C1orf116: variants seen among roughly 807,000 people sequenced by gnomAD.
The protein encoded by C1orf116 is chromosome 1 open reading frame 116, also known as specifically androgen-regulated gene protein.
A neutral mutation model predicts 14.1 loss-of-function variants in C1orf116; 12 were observed. That is an observed-to-expected ratio of 0.85 (90% CI 0.54 to 1.38). The LOEUF (loss-of-function observed/expected upper bound fraction) is 1.38, where lower values mean the gene tolerates loss of function less well. C1orf116 is among the 40% of genes most tolerant of loss of function. The pLI, the probability that C1orf116 is intolerant of heterozygous loss-of-function variation, is 0.00. For synonymous variants in C1orf116, 296 were observed against 299.0 expected (o/e 0.99, Z 0.10); for missense variants, 797 against 747.0 (o/e 1.07, Z -0.78).
At position 207,022,387 on chromosome 1, in the gene C1orf116, C is replaced by A; in HGVS notation, c.1377G>T (p.Lys459Asn). ...CCTGGAGAGTCAGCCCTGACTCTGG[C>A]TTCGGTGGAGTCAGGGCACTGTTTG... ...PRANSALTPP[K>N]PESGLTLQES... The change falls in exon 4 of 4, where the codon AAG (lysine) becomes AAT (asparagine). Residue 459 changes from lysine to asparagine, a missense_variant. Physicochemically the swap from Lys to Asn is moderately conservative, Grantham distance 94. Coordinates refer to ENST00000359470, the MANE Select transcript of C1orf116 (RefSeq NM_023938.6). The A allele has an allele frequency of 2.5e-6, 4 of 1,614,148 alleles. No homozygotes were observed. The highest frequency in any genetic ancestry group is 3.4e-6 in the Non-Finnish European group (4 of 1,180,012).
rs1470582454 is a variant in C1orf116, at chr1:207,022,330, G to A, written c.1434C>T (p.Asn478=). The A allele has an allele frequency of 1.2e-6, 2 of 1,613,724 alleles. No individual in the cohort carries two copies. Among genetic ancestry groups the A allele is most frequent in the Admixed American group, 3.3e-5 (2 of 59,968 alleles). The part of the protein sequence containing the change: ...ESNTPGLRQM[N]FKSNTLERSG... ...AGCGCTCCAGAGTGTTGGACTTGAA[G>A]TTCATCTGTCTCAGGCCAGGGGTGT... Residue 478 remains asparagine (N), a synonymous_variant, in exon 4 of 4, where the codon AAC becomes AAT. Coordinates refer to ENST00000359470, the MANE Select transcript of C1orf116 (RefSeq NM_023938.6).
At chr1:207,030,761 A>G (rs2102306636) in intron 1 of C1orf116, among the ~76,000 whole-genome samples, 1 of 152,360 alleles carries the variant, frequency 6.6e-6, no homozygotes, top group South Asian at 2.1e-4. Context: ...ACTCAAGGTG[A>G]GAGTTTGGTA....
In C1orf116 at chr1:207,022,128, T is replaced by C. The variant is rs767968663; in HGVS notation, c.1636A>G (p.Lys546Glu). The C allele has an allele frequency of 6.2e-7, 1 of 1,612,800 alleles. No homozygotes were observed. Among genetic ancestry groups the C allele is most frequent in the Admixed American group, 1.7e-5 (1 of 59,988 alleles). The change falls in exon 4 of 4, where the codon AAG becomes GAG. Residue 546 changes from lysine to glutamate, a missense_variant. Coordinates refer to ENST00000359470, the MANE Select transcript of C1orf116 (RefSeq NM_023938.6). ...GKDFAGIQVG[K>E]LADLEQEQSS... ...TGCTCCTGCTCCAGGTCAGCCAGCT[T>C]GCCTACCTGGATACCTGCAAAATCT...
rs761158289 is a variant in C1orf116, at chr1:207,023,234, C to T, written c.530G>A (p.Ser177Asn). ...EPEKEQVSQS[S>N]QPRQAPASPQ... The stretch of plus-strand genomic sequence containing the variant: ...GCTGGCAGGTGCCTGCCTGGGTTGG[C>T]TGCTCTGGCTGACCTGTTCTTTCTC... The change falls in exon 4 of 4, where the codon AGC becomes AAC. Residue 177 changes from serine to asparagine, a missense_variant. Coordinates refer to ENST00000359470, the MANE Select transcript of C1orf116 (RefSeq NM_023938.6). 4 of 1,611,186 alleles carry T rather than the reference C, an allele frequency of 2.5e-6. No homozygotes were observed. Among genetic ancestry groups the T allele is most frequent in the Non-Finnish European group, 1.7e-6 (2 of 1,178,450 alleles).
chr1:207,025,880 G>A (rs554911967), intron 2 of C1orf116, among the ~76,000 whole-genome samples: 1 of 152,324 alleles, frequency 6.6e-6, no homozygotes, highest in Non-Finnish European at 1.5e-5. Context: ...AGATCTTAAA[G>A]TAGATCATAT....
chr1:207,025,173 G>A, intron 2 of C1orf116, 109 bp from the exon 3 acceptor site: 1 of 843,424 alleles, frequency 1.2e-6, no homozygotes, highest in Non-Finnish European at 1.9e-6. Flanking sequence ...CGCAGAAACT[G>A]GCGGGGCCTG....
At position 207,022,753 on chromosome 1, in the gene C1orf116, GGA is replaced by G. The variant is rs774648306; in HGVS notation, c.1009_1010del (p.Ser337LeufsTer11). ...EAAPGDSGLI[S>X]CSLQEQRKAR... ...CTTTTCTCTGCTCTTGCAGTGAACAGGAGATCAGGCCAGAATCTCCAGGGGCA... is the reference window on the plus strand; with the variant it reads ...CTTTTCTCTGCTCTTGCAGTGAACAGGATCAGGCCAGAATCTCCAGGGGCA... On this transcript the variant is annotated frameshift_variant, in exon 4 of 4. Transcript: ENST00000359470. LOFTEE classifies it low-confidence loss of function (END_TRUNC). 6.2e-7 allele frequency: 1 copy of G among 1,614,198 alleles called. No homozygotes were observed. The highest frequency in any genetic ancestry group is 8.5e-7 in the Non-Finnish European group (1 of 1,180,028).
At position 207,022,153 on chromosome 1, in the gene C1orf116, T is replaced by C. The variant is rs529387829; in HGVS notation, c.1611A>G (p.Lys537=). The C allele has an allele frequency of 2.1e-4, 345 of 1,613,380 alleles. 6 individuals are homozygous for C. In the South Asian group the frequency reaches 2.4e-3, roughly 11 times the overall value. ...TGCCTACCTGGATACCTGCAAAATC[T>C]TTCCCCGTGCCCAGGGAGGCCGGGC... ...RPRPASLGTG[K]DFAGIQVGKL... The change falls in exon 4 of 4, where the codon AAA becomes AAG. Residue 537 remains lysine, a synonymous_variant. Transcript: ENST00000359470.
Position 207,022,863 on chromosome 1 carries a change from G to C in C1orf116, c.901C>G (p.Leu301Val), listed in dbSNP as rs1400661572. 6.2e-7 allele frequency: 1 copy of C among 1,614,000 alleles called. No individual in the cohort carries two copies. The highest frequency in any genetic ancestry group is 2.2e-5 in the East Asian group (1 of 44,890). ...CTCTTCAGAACAATATTAGGTGGCA[G>C]CTTCCGGGGCTTAGGGGTTGTGAGG... ...APLTTPKPRK[L>V]PPNIVLKSSR... Residue 301 changes from leucine to valine, a missense_variant, in exon 4 of 4, where the codon CTG becomes GTG. Coordinates refer to ENST00000359470, the MANE Select transcript of C1orf116 (RefSeq NM_023938.6).
In C1orf116 at chr1:207,023,207, G is replaced by A. The variant is rs374538122; in HGVS notation, c.557C>T (p.Pro186Leu). The A allele has an allele frequency of 5.5e-5, 88 of 1,609,516 alleles. No homozygotes were observed. Among genetic ancestry groups the A allele is most frequent in the Non-Finnish European group, 6.7e-5 (79 of 1,177,660 alleles). The stretch of plus-strand genomic sequence containing the variant: ...GTCCAAGTCAAGGGCAGCCTCCTGG[G>A]GGCTGGCAGGTGCCTGCCTGGGTTG... ...SSQPRQAPAS[P>L]QEAALDLDVV... The change falls in exon 4 of 4, where the codon CCC becomes CTC. Residue 186 changes from proline to leucine, a missense_variant. Transcript: ENST00000359470.
intron 3 of C1orf116, among the ~76,000 whole-genome samples, chr1:207,024,123 G>A (rs906056455): frequency 6.6e-6 from 1 of 152,244 alleles, no homozygotes; most frequent in Admixed American, 6.5e-5. Context: ...ACCAGAAAGT[G>A]ACTCCTTTCC....
At chr1:207,032,133 G>C (rs1165641587) in intron 1 of C1orf116, among the ~76,000 whole-genome samples, 2 of 152,086 alleles carry the variant, frequency 1.3e-5, no homozygotes, top group Non-Finnish European at 2.9e-5. Context: ...TTTAAATAAA[G>C]ATCGACACCG....
rs1681790913 is a variant in C1orf116 at position 207,020,108 on chromosome 1, C to G, written c.*1850G>C. 1 of 152,200 alleles carries G rather than the reference C, an allele frequency of 6.6e-6. No homozygotes were observed. The highest frequency in any genetic ancestry group is 2.4e-5 in the African/African-American group (1 of 41,444). 9.4% of individuals were successfully genotyped at this position (152,200 alleles called of 1,614,324 possible). On this transcript the variant is annotated 3_prime_UTR_variant, in exon 4 of 4. Transcript: ENST00000359470. ...AGTCCTCCAGAAGGCAGCTTTCTCT[C>G]TTTCTGGGGGTGTATAATAAGACAT...
chr1:207,024,856 C>T lies in C1orf116; in HGVS notation c.283+31G>A, dbSNP rs1024203825. 8 of 1,594,928 alleles carry T rather than the reference C, an allele frequency of 5.0e-6. No individual in the cohort carries two copies. In the African/African-American group the frequency reaches 8.1e-5, roughly 16 times the overall value. ...GGACATATTGATTTTCTGGGTTTTG[C>T]TGGGGTTCCACCCCAGAGGGTCTGC... On this transcript the variant is annotated intron_variant, in intron 3 of 3. Coordinates refer to ENST00000359470, the MANE Select transcript of C1orf116 (RefSeq NM_023938.6).
chr1:207,027,747 C>T lies in C1orf116; in HGVS notation c.-81-68G>A, dbSNP rs566875835. Reference sequence around the variant, plus strand: ...GGCAAGGCTCTGCCCAGGCCCTGGGCGGCATGGCGGGAAGGACACCAAGCA... The same window carrying T: ...GGCAAGGCTCTGCCCAGGCCCTGGGTGGCATGGCGGGAAGGACACCAAGCA... On this transcript the variant is annotated intron_variant, in intron 1 of 3. Coordinates refer to ENST00000359470, the MANE Select transcript of C1orf116 (RefSeq NM_023938.6). 6.7e-5 allele frequency: 96 copies of T among 1,433,774 alleles called. No homozygotes were observed. In the African/African-American group the frequency reaches 7.6e-4, roughly 11 times the overall value. The allele number at this position is 1,433,774 out of a possible 1,614,324, so 88.8% of individuals were successfully genotyped here. A position where few individuals can be genotyped will look rare whatever the true frequency, so the allele number is the denominator to read the frequency against.
Position 207,027,655 on chromosome 1 carries a change from A to G in C1orf116, c.-57T>C. On this transcript the variant is annotated 5_prime_UTR_variant, in exon 2 of 4. Coordinates refer to ENST00000359470, the MANE Select transcript of C1orf116 (RefSeq NM_023938.6). ...GGGCTTCTAGAGGGGAAGCGAGGGGAAGTGAACAATGTCCCAAGCCGGGCC... is the reference window on the plus strand; with the variant it reads ...GGGCTTCTAGAGGGGAAGCGAGGGGGAGTGAACAATGTCCCAAGCCGGGCC... 2 of 1,597,188 alleles carry G rather than the reference A, an allele frequency of 1.3e-6. No homozygotes were observed. The highest frequency in any genetic ancestry group is 1.7e-6 in the Non-Finnish European group (2 of 1,175,632).
chr1:207,024,819 A>G (rs1490220998), intron 3 of C1orf116, 68 bp downstream of exon 3: 42 of 1,558,900 alleles, frequency 2.7e-5, no homozygotes, highest in Middle Eastern at 1.7e-4. Flanking sequence ...CGAGGTAGAA[A>G]GTGGCCGGAG....
chr1:207,021,731 CCA>C lies in C1orf116; in HGVS notation c.*225_*226del, dbSNP rs2102295926. ...AGTGATGTATCCAGCGGCCCCCCCT[CCA>C]CACACACACCAAACACACACACACA... is the stretch of plus-strand genomic sequence containing the variant. On this transcript the variant is annotated 3_prime_UTR_variant, in exon 4 of 4. Transcript: ENST00000359470. 1.2e-5 allele frequency: 5 copies of C among 415,900 alleles called. No homozygotes were observed. The highest frequency in any genetic ancestry group is 1.7e-5 in the Non-Finnish European group (4 of 237,590). 25.8% of individuals were successfully genotyped at this position (415,900 alleles called of 1,614,324 possible).
intron 1 of C1orf116, among the ~76,000 whole-genome samples, 172 bp downstream of exon 1, chr1:207,032,407 T>G (rs1446319337): frequency 6.6e-6 from 1 of 152,182 alleles, no homozygotes; most frequent in African/African-American, 2.4e-5. Context: ...AATCTCAAGT[T>G]GCTACCAACC....
Sources: gnomAD v4.1 joint callset for allele counts (sites outside exome capture counted in the v4.1 genomes callset) on GRCh38, gnomAD v4.1.1 for gene constraint, MANE v1.5 for transcripts, NCBI Gene and HGNC (gene_info 2026-07-23, HGNC 2026-07-21) for gene names.